Variants in DOCK6 observed in about 807,000 individuals in gnomAD.
The protein encoded by DOCK6 is dedicator of cytokinesis protein 6.
DOCK6 carries 167 observed loss-of-function variants against 230.3 expected under a neutral mutation model. The ratio of observed to expected loss-of-function variants is 0.73; its 90% CI spans 0.64 to 0.82. DOCK6 has a LOEUF of 0.82. Among genes scored for constraint, DOCK6 ranks in the 40% least tolerant of loss-of-function variants. The pLI, the probability that DOCK6 is intolerant of heterozygous loss-of-function variation, is 0.00. For synonymous variants in DOCK6, 1,148 were observed against 1,185.0 expected (o/e 0.97, Z 0.64); for missense variants, 2,598 against 2,825.8 (o/e 0.92, Z 1.83).
intron 21 of DOCK6, among the ~76,000 whole-genome samples, chr19:11,234,286 C>T (rs1193788737): frequency 2.6e-5 from 4 of 151,886 alleles, no homozygotes; most frequent in African/African-American, 9.7e-5. Flanking sequence ...GCGTGAGCCA[C>T]TGTGCCTGGC....
At position 11,243,113 on chromosome 19, in the gene DOCK6, G is replaced by A; in HGVS notation, c.1426C>T (p.Leu476=). Reference sequence around the variant, plus strand: ...GACGACGGGCGCCTCATGTCAGCCAGGAACTTGAAGAGGTCCTCGTCACTG... The same window carrying A: ...GACGACGGGCGCCTCATGTCAGCCAAGAACTTGAAGAGGTCCTCGTCACTG... ...RLSDEDLFKF[L]ADMRRPSSLL... Residue 476 remains leucine (L), a synonymous_variant, in exon 13 of 48, where the codon CTG becomes TTG. Coordinates refer to ENST00000294618, the MANE Select transcript of DOCK6 (RefSeq NM_020812.4). This position sits in a 1 kb window ranked among gnomAD's most constrained non-coding sequence, Gnocchi z 6.3. 6.2e-7 allele frequency: 1 copy of A among 1,613,974 alleles called. No homozygotes were observed. Among genetic ancestry groups the A allele is most frequent in the Non-Finnish European group, 8.5e-7 (1 of 1,179,892 alleles).
intron 34 of DOCK6, 90 bp from the exon 35 acceptor site, chr19:11,213,418 G>A: frequency 6.6e-7 from 1 of 1,516,020 alleles, no homozygotes; most frequent in Non-Finnish European, 8.9e-7. Flanking sequence ...GCTTGGGCAG[G>A]GGTTTGTGTT....
chr19:11,216,196 A>G (rs535839938), intron 30 of DOCK6: 22 of 267,632 alleles, frequency 8.2e-5, no homozygotes, highest in Non-Finnish European at 1.2e-4. Flanking sequence ...GGCTCAGGCA[A>G]TCCACCTCAG....
At chr19:11,258,684 C>T (rs1789825789) in intron 1 of DOCK6, among the ~76,000 whole-genome samples, 1 of 152,036 alleles carries the variant, frequency 6.6e-6, no homozygotes, top group Non-Finnish European at 1.5e-5. Flanking sequence ...CCGCCCACCT[C>T]AGCCTCCCAA....
At chr19:11,237,979 A>C in intron 16 of DOCK6, 66 bp downstream of exon 16, 2 of 1,544,210 alleles carry the variant, frequency 1.3e-6, no homozygotes, top group Non-Finnish European at 1.8e-6. Flanking sequence ...CCTTATGTGT[A>C]TATATAAGGG....
chr19:11,245,358 A>T (rs2080015619), intron 9 of DOCK6, among the ~76,000 whole-genome samples: 1 of 152,066 alleles, frequency 6.6e-6, no homozygotes, highest in African/African-American at 2.4e-5. Flanking sequence ...ACGTATAGTT[A>T]TCAGCTCAAC....
At position 11,202,828 on chromosome 19, in the gene DOCK6, C is replaced by T. The variant is rs1046083939; in HGVS notation, c.5236-119G>A. ...TGTGAGGACCCCGAGAACATCAGGG[C>T]ATGGGCACAGGCAGGGGGCCCTGAG... On this transcript the variant is annotated intron_variant, in intron 41 of 47. Transcript: ENST00000294618. This position sits in a 1 kb window ranked among gnomAD's most constrained non-coding sequence, Gnocchi z 5.3. The T allele has an allele frequency of 3.3e-6, 5 of 1,527,872 alleles. No homozygotes were observed. In the African/African-American group the frequency reaches 5.5e-5, roughly 17 times the overall value. The allele number at this position is 1,527,872 out of a possible 1,614,324, so 94.6% of individuals were successfully genotyped here.
Position 11,252,763 on chromosome 19 carries a change from G to A in DOCK6, c.308+20C>T. On this transcript the variant is annotated intron_variant, in intron 3 of 47. Transcript: ENST00000294618. Reference sequence around the variant, plus strand: ...GACAGAGTGGAATCACAGGCAGAGAGGGCGTGGGGCTGAACCCACTCATCC... The same window carrying A: ...GACAGAGTGGAATCACAGGCAGAGAAGGCGTGGGGCTGAACCCACTCATCC... 1 of 1,599,986 alleles carries A rather than the reference G, an allele frequency of 6.3e-7. No individual in the cohort carries two copies. The highest frequency in any genetic ancestry group is 8.5e-7 in the Non-Finnish European group (1 of 1,170,448).
At position 11,243,760 on chromosome 19, in the gene DOCK6, G is replaced by A; in HGVS notation, c.1104+42C>T. 1 of 1,613,556 alleles carries A rather than the reference G, an allele frequency of 6.2e-7. No homozygotes were observed. The highest frequency in any genetic ancestry group is 8.5e-7 in the Non-Finnish European group (1 of 1,179,724). The stretch of plus-strand genomic sequence containing the variant: ...CAGCTCAGCATCCTAGCCCTGCTGA[G>A]TCAGGGATCTGTTGCCCCTAGTCCA... On this transcript the variant is annotated intron_variant, in intron 10 of 47. Transcript: ENST00000294618. This position sits in a 1 kb window ranked among gnomAD's most constrained non-coding sequence, Gnocchi z 6.3.
Position 11,223,054 on chromosome 19 carries a change from T to C in DOCK6, c.3008A>G (p.Asp1003Gly). ...LNASLAFFLSDLLSLVDRGFV... is the reference protein window; with the variant it reads ...LNASLAFFLSGLLSLVDRGFV... ...GCCCCGGTCCACCAGGGACAGAAGG[T>C]CACTGAGGAAGAAAGCCAGGCTGGC... The change falls in exon 25 of 48, where the codon GAC becomes GGC. Residue 1003 changes from aspartate (D) to glycine (G), a missense_variant. Transcript: ENST00000294618. The C allele has an allele frequency of 6.2e-7, 1 of 1,613,602 alleles. No individual in the cohort carries two copies. Among genetic ancestry groups the C allele is most frequent in the Non-Finnish European group, 8.5e-7 (1 of 1,179,840 alleles).
At chr19:11,241,876 G>A (rs1160109245) in intron 14 of DOCK6, 169 bp downstream of exon 14, 1 of 1,248,290 alleles carries the variant, frequency 8.0e-7, no homozygotes, top group Non-Finnish European at 1.1e-6. Context: ...ATTGGGGAGG[G>A]GTGGAGGAAG....
At chr19:11,205,611 G>A (rs1002533916) in intron 39 of DOCK6, among the ~76,000 whole-genome samples, 4 of 151,978 alleles carry the variant, frequency 2.6e-5, no homozygotes, top group Admixed American at 1.3e-4. Flanking sequence ...TCAAAGTGCC[G>A]GGATTACAGG....
chr19:11,213,092 T>A (rs2079419286), intron 35 of DOCK6, 84 bp downstream of exon 35: 2 of 1,506,970 alleles, frequency 1.3e-6, no homozygotes, highest in Middle Eastern at 2.1e-4. Flanking sequence ...TGTCTCCCCC[T>A]CCCTCACTCC....
chr19:11,232,039 A>T (rs1374293379), intron 22 of DOCK6: 1 of 459,010 alleles, frequency 2.2e-6, no homozygotes, highest in Non-Finnish European at 3.6e-6. Context: ...CTAAACACAG[A>T]CTTCACAGCC....
At position 11,262,390 on chromosome 19, in the gene DOCK6, A is replaced by T; in HGVS notation, c.44+7T>A. On this transcript the variant is annotated splice_region_variant and intron_variant, in intron 1 of 47. Transcript: ENST00000294618. ...GGAGGTGGGAGGGGGCCCCGCGGCC[A>T]CACTACCTGTTGATCTTGTGCGCGA... is the stretch of plus-strand genomic sequence containing the variant. 1 of 1,280,560 alleles carries T rather than the reference A, an allele frequency of 7.8e-7. No homozygotes were observed. Among genetic ancestry groups the T allele is most frequent in the Non-Finnish European group, 9.9e-7 (1 of 1,012,218 alleles). The allele number at this position is 1,280,560 out of a possible 1,614,324, so 79.3% of individuals were successfully genotyped here.
At chr19:11,251,184 A>AT in intron 5 of DOCK6, 98 bp from the exon 6 acceptor site, 1 of 1,261,934 alleles carries the variant, frequency 7.9e-7, no homozygotes, top group Non-Finnish European at 1.1e-6. Flanking sequence ...AGATGGGGAA[A>AT]TTGAGGGTCA....
Position 11,243,526 on chromosome 19 carries a change from C to A in DOCK6, c.1258+31G>T. ...GCCTGTCAGCACCACCCTTTAGCCC[C>A]GCCCCAAGCCTGTTAGCCCCGCCTC... On this transcript the variant is annotated intron_variant, in intron 11 of 47. Transcript: ENST00000294618. This position sits in a 1 kb window ranked among gnomAD's most constrained non-coding sequence, Gnocchi z 6.3. 6.4e-7 allele frequency: 1 copy of A among 1,570,896 alleles called. No individual in the cohort carries two copies. The highest frequency in any genetic ancestry group is 8.6e-7 in the Non-Finnish European group (1 of 1,160,190).
intron 24 of DOCK6, among the ~76,000 whole-genome samples, chr19:11,223,738 C>A (rs2079618405): frequency 6.6e-6 from 1 of 152,086 alleles, no homozygotes; most frequent in East Asian, 1.9e-4. Flanking sequence ...CTTCTGTCTC[C>A]CAGGTTCAAG....
chr19:11,211,728 C>T (rs1350824513), intron 37 of DOCK6, 48 bp downstream of exon 37: 4 of 1,421,872 alleles, frequency 2.8e-6, no homozygotes, highest in Admixed American at 2.0e-5. Context: ...TCTCCCTGCA[C>T]CTGTTGGGGC....
Sources: allele counts gnomAD v4.1 joint callset (sites outside exome capture counted in the v4.1 genomes callset), GRCh38; gene constraint gnomAD v4.1.1; non-coding constraint Gnocchi (gnomAD v3.1); transcripts MANE v1.5; gene names NCBI Gene and HGNC (gene_info 2026-07-23, HGNC 2026-07-21).